The following PCDHGB7 variants were observed in gnomAD, a reference collection of about 807,000 sequenced individuals.
PCDHGB7 encodes the protein protocadherin gamma-B7.
In PCDHGB7, 37 loss-of-function variants were observed where a neutral mutation model predicts 61.4. The observed-to-expected ratio is 0.60, with a 90% CI of 0.46 to 0.79. The LOEUF is 0.79. Ranked by LOEUF, PCDHGB7 falls within the 30% of genes least tolerant of loss-of-function variation. The probability of loss-of-function intolerance (pLI) is 0.00; values close to 1 mark genes in which losing one functional copy is unlikely to be tolerated. For missense variants in PCDHGB7, 1,166 were observed against 1,202.5 expected (o/e 0.97, Z 0.45); for synonymous variants, 464 against 503.5 (o/e 0.92, Z 1.05).
At chr5:141,497,776 C>A (rs1384125562) in intron 2 of PCDHGB7, among the ~76,000 whole-genome samples, 2 of 152,170 alleles carry the variant, frequency 1.3e-5, no homozygotes. Flanking sequence ...CCGACCTCAA[C>A]TGATCCACCT....
Position 141,487,622 on chromosome 5 carries a change from C to A in PCDHGB7, c.2416-7185C>A. 1 of 1,614,174 alleles carries A rather than the reference C, an allele frequency of 6.2e-7. No homozygotes were observed. Among genetic ancestry groups the A allele is most frequent in the Non-Finnish European group, 8.5e-7 (1 of 1,180,030 alleles). ...TCTTCTCTATGGGCTAGAGGTGAGACCTTTGCAGGCTCAACAAATGCTTGA... is the reference window on the plus strand; with the variant it reads ...TCTTCTCTATGGGCTAGAGGTGAGAACTTTGCAGGCTCAACAAATGCTTGA... On this transcript the variant is annotated intron_variant, in intron 1 of 3. Transcript: ENST00000398594. The surrounding 1 kb of genome is among the most constrained non-coding windows in gnomAD (Gnocchi z 5.0).
chr5:141,469,049 G>A (rs916327969), intron 1 of PCDHGB7, among the ~76,000 whole-genome samples: 3 of 152,054 alleles, frequency 2.0e-5, no homozygotes, highest in African/African-American at 2.4e-5. Context: ...GGCCAAGGTG[G>A]GAGGATTGCT....
At chr5:141,479,561 G>A (rs1032137833) in intron 1 of PCDHGB7, 1 of 152,270 alleles carries the variant, frequency 6.6e-6, no homozygotes, top group African/African-American at 2.4e-5. Context: ...CTATCCAGTA[G>A]TGGGATGACA....
At chr5:141,484,891 C>T in intron 1 of PCDHGB7, 1 of 361,788 alleles carries the variant, frequency 2.8e-6, no homozygotes, top group Non-Finnish European at 5.0e-6. Context: ...GGGCTTTTTC[C>T]CCTCCAATGC....
At chr5:141,453,370 G>A (rs969698165) in intron 1 of PCDHGB7, among the ~76,000 whole-genome samples, 1 of 152,046 alleles carries the variant, frequency 6.6e-6, no homozygotes, top group Non-Finnish European at 1.5e-5. Context: ...CTGGGGTCAA[G>A]TGATCCTCCT....
rs368585389 is a variant in PCDHGB7, at chr5:141,419,428, G to A, written c.1569G>A (p.Glu523=). The change falls in exon 1 of 4, where the codon GAG becomes GAA. Residue 523 remains glutamate (E), a synonymous_variant. Coordinates refer to ENST00000398594, the MANE Select transcript of PCDHGB7 (RefSeq NM_018927.4). ...VVFAQRAFDH[E]QLRTFELTLQ... is the part of the protein sequence containing the mutation. ...TCGCGCAGCGCGCCTTCGACCACGAGCAGCTGCGCACCTTCGAGCTCACGC... is the reference window on the plus strand; with the variant it reads ...TCGCGCAGCGCGCCTTCGACCACGAACAGCTGCGCACCTTCGAGCTCACGC... 4 of 1,613,192 alleles carry A rather than the reference G, an allele frequency of 2.5e-6. No individual in the cohort carries two copies. In the African/African-American group the frequency reaches 4.0e-5, roughly 16 times the overall value.
At chr5:141,447,884 G>A (rs1324802340) in intron 1 of PCDHGB7, among the ~76,000 whole-genome samples, 1 of 152,024 alleles carries the variant, frequency 6.6e-6, no homozygotes, top group Non-Finnish European at 1.5e-5. Context: ...TCAGGAGTTC[G>A]AGACCAGCCT....
At position 141,419,434 on chromosome 5, in the gene PCDHGB7, G is replaced by A. The variant is rs372006900; in HGVS notation, c.1575G>A (p.Leu525=). Residue 525 remains leucine (L), a synonymous_variant, in exon 1 of 4, where the codon CTG becomes CTA. Transcript: ENST00000398594. ...FAQRAFDHEQ[L]RTFELTLQAR... Reference sequence around the variant, plus strand: ...AGCGCGCCTTCGACCACGAGCAGCTGCGCACCTTCGAGCTCACGCTGCAGG... The same window carrying A: ...AGCGCGCCTTCGACCACGAGCAGCTACGCACCTTCGAGCTCACGCTGCAGG... 41 of 1,613,112 alleles carry A rather than the reference G, an allele frequency of 2.5e-5. No homozygotes were observed. The highest frequency in any genetic ancestry group is 3.3e-5 in the Non-Finnish European group (39 of 1,179,826).
rs2096153349 is a variant in PCDHGB7 at position 141,417,731 on chromosome 5, C to G, written c.-129C>G. 2.2e-6 allele frequency: 3 copies of G among 1,378,810 alleles called. No homozygotes were observed. In the East Asian group the frequency reaches 7.6e-5, roughly 35 times the overall value. 85.4% of individuals were successfully genotyped at this position (1,378,810 alleles called of 1,614,324 possible). A position where few individuals can be genotyped will look rare whatever the true frequency, so the allele number is the denominator to read the frequency against. On this transcript the variant is annotated 5_prime_UTR_variant, in exon 1 of 4. Coordinates refer to ENST00000398594, the MANE Select transcript of PCDHGB7 (RefSeq NM_018927.4). ...AGGCTCCCGGCTGCGCAGACCTTGC[C>G]CAGCACACCAGATTGCCAGCTCCGA...
intron 1 of PCDHGB7, among the ~76,000 whole-genome samples, chr5:141,465,422 G>T (rs74711061): frequency 6.6e-6 from 1 of 152,142 alleles, no homozygotes; most frequent in Non-Finnish European, 1.5e-5. Context: ...AGCACTGAAA[G>T]GTGGGCACTT....
intron 1 of PCDHGB7, among the ~76,000 whole-genome samples, chr5:141,467,341 C>T (rs1169830103): frequency 6.6e-6 from 1 of 152,214 alleles, no homozygotes; most frequent in Non-Finnish European, 1.5e-5. Context: ...ACGTAAGCCA[C>T]TGCCCCCGGC....
At chr5:141,473,272 A>G (rs2099318396) in intron 1 of PCDHGB7, among the ~76,000 whole-genome samples, 1 of 152,182 alleles carries the variant, frequency 6.6e-6, no homozygotes, top group African/African-American at 2.4e-5. Flanking sequence ...GTATGCTATG[A>G]TTATTTTACT....
intron 1 of PCDHGB7, chr5:141,479,186 T>C (rs956575218): frequency 3.3e-5 from 5 of 152,590 alleles, no homozygotes; most frequent in Admixed American, 3.3e-4. Flanking sequence ...GCTAGAAAAT[T>C]CAGAAAATAC....
chr5:141,497,312 G>A (rs940721317), intron 2 of PCDHGB7, among the ~76,000 whole-genome samples: 7 of 152,038 alleles, frequency 4.6e-5, no homozygotes, highest in African/African-American at 1.7e-4. Flanking sequence ...CCATACACTG[G>A]CTTTGAAGCA....
At position 141,476,873 on chromosome 5, in the gene PCDHGB7, G is replaced by C; in HGVS notation, c.2416-17934G>C. On this transcript the variant is annotated intron_variant, in intron 1 of 3. Coordinates refer to ENST00000398594, the MANE Select transcript of PCDHGB7 (RefSeq NM_018927.4). This position sits in a 1 kb window ranked among gnomAD's most constrained non-coding sequence, Gnocchi z 7.6. ...CAACCAGTCCTTGTACCGGGCGCGC[G>C]TCCTGGAGGATGCACCCTCCGGCAC... 1 of 1,613,936 alleles carries C rather than the reference G, an allele frequency of 6.2e-7. No homozygotes were observed. Among genetic ancestry groups the C allele is most frequent in the South Asian group, 1.1e-5 (1 of 91,088 alleles).
Position 141,489,195 on chromosome 5 carries a change from A to G in PCDHGB7, c.2416-5612A>G, listed in dbSNP as rs200660227. ...ATTCCAAGCCCTGGGTCTACCTTGG[A>G]GACAGGACAGCACAGACTTACTCTC... is the stretch of plus-strand genomic sequence containing the variant. On this transcript the variant is annotated intron_variant, in intron 1 of 3. Transcript: ENST00000398594. This position sits in a 1 kb window ranked among gnomAD's most constrained non-coding sequence, Gnocchi z 4.5. 1.8e-5 allele frequency: 25 copies of G among 1,383,116 alleles called. No individual in the cohort carries two copies. The East Asian group carries it at 4.8e-4, about 27-fold the overall frequency. 85.7% of individuals were successfully genotyped at this position (1,383,116 alleles called of 1,614,324 possible). A position where few individuals can be genotyped will look rare whatever the true frequency, so the allele number is the denominator to read the frequency against.
intron 1 of PCDHGB7, among the ~76,000 whole-genome samples, chr5:141,442,879 A>T (rs1399128822): frequency 6.6e-6 from 1 of 152,256 alleles, no homozygotes; most frequent in Non-Finnish European, 1.5e-5. Flanking sequence ...TTTACAACTC[A>T]GAATCCCTGC....
In PCDHGB7 at chr5:141,431,887, T is replaced by C; in HGVS notation, c.2415+11613T>C. The C allele has an allele frequency of 1.2e-6, 2 of 1,614,190 alleles. No individual in the cohort carries two copies. The highest frequency in any genetic ancestry group is 1.7e-6 in the Non-Finnish European group (2 of 1,179,996). ...TTTTAAATGTAAATGACCAAGATTCTGAGGAAAACGGACAGGTGATCTGTT... is the reference window on the plus strand; with the variant it reads ...TTTTAAATGTAAATGACCAAGATTCCGAGGAAAACGGACAGGTGATCTGTT... On this transcript the variant is annotated intron_variant, in intron 1 of 3. Coordinates refer to ENST00000398594, the MANE Select transcript of PCDHGB7 (RefSeq NM_018927.4). The surrounding 1 kb of genome is among the most constrained non-coding windows in gnomAD (Gnocchi z 4.8).
At position 141,490,460 on chromosome 5, in the gene PCDHGB7, TA is replaced by T. The variant is rs1393913480; in HGVS notation, c.2416-4345del. 1.2e-6 allele frequency: 2 copies of T among 1,614,094 alleles called. No individual in the cohort carries two copies. The highest frequency in any genetic ancestry group is 1.7e-6 in the Non-Finnish European group (2 of 1,180,048). On this transcript the variant is annotated intron_variant, in intron 1 of 3. Coordinates refer to ENST00000398594, the MANE Select transcript of PCDHGB7 (RefSeq NM_018927.4). The surrounding 1 kb of genome is among the most constrained non-coding windows in gnomAD (Gnocchi z 5.4). ...CCTTCTGAGAACCACTACTCGCTGC[TA>T]ACCAGCCAGCCTTTGGACCGGGAGG... is the stretch of plus-strand genomic sequence containing the variant.
Sources: allele counts gnomAD v4.1 joint callset (sites outside exome capture counted in the v4.1 genomes callset), GRCh38; gene constraint gnomAD v4.1.1; non-coding constraint Gnocchi (gnomAD v3.1); transcripts MANE v1.5; gene names NCBI Gene and HGNC (gene_info 2026-07-23, HGNC 2026-07-21).